MRPS33: variants seen among roughly 807,000 people sequenced by gnomAD.
MRPS33 encodes the protein mitochondrial ribosomal protein S33.
Under a neutral mutation model 11.2 loss-of-function variants are expected in MRPS33, and 11 were observed. That is an observed-to-expected ratio of 0.99 (90% CI 0.62 to 1.63). The LOEUF (loss-of-function observed/expected upper bound fraction) is 1.63. MRPS33 is among the 40% of genes most tolerant of loss of function. The pLI is 0.00. For synonymous variants in MRPS33, 46 were observed against 44.0 expected, an observed-to-expected ratio of 1.05 and a Z score of -0.18; for missense variants, 109 against 127.8, an observed-to-expected ratio of 0.85 and a Z score of 0.71.
intron 1 of MRPS33, among the ~76,000 whole-genome samples, chr7:141,013,578 A>G (rs1820730432): frequency 6.6e-6 from 1 of 152,148 alleles, no homozygotes; most frequent in African/African-American, 2.4e-5. Flanking sequence ...TTTTCTTACA[A>G]CGTGCATGTC....
chr7:141,007,925 T>C (rs918209499), intron 2 of MRPS33, among the ~76,000 whole-genome samples: 27 of 151,722 alleles, frequency 1.8e-4, no homozygotes, highest in African/African-American at 5.5e-4. Context: ...TTATTTTTTT[T>C]CCCCCTCTTC....
chr7:141,006,865 A>G (rs1820545560), intron 2 of MRPS33, among the ~76,000 whole-genome samples: 1 of 152,158 alleles, frequency 6.6e-6, no homozygotes, highest in Non-Finnish European at 1.5e-5. Context: ...ACTAAGACTA[A>G]ACAGAGAGGA....
chr7:141,007,219 C>T (rs1227802890), intron 2 of MRPS33, among the ~76,000 whole-genome samples: 2 of 152,166 alleles, frequency 1.3e-5, no homozygotes, highest in Non-Finnish European at 2.9e-5. Flanking sequence ...GCTCTGGATT[C>T]CATGTGAACC....
chr7:141,006,550 A>G lies in MRPS33; in HGVS notation c.216-15T>C. The G allele has an allele frequency of 6.3e-7, 1 of 1,599,606 alleles. No homozygotes were observed. Among genetic ancestry groups the G allele is most frequent in the Non-Finnish European group, 8.6e-7 (1 of 1,168,282 alleles). ...GATGCTCATCTCTGAATGAAGAAGG[A>G]AAAAATAATTAACCAGTTATTTTTA... On this transcript the variant is annotated splice_polypyrimidine_tract_variant and intron_variant, in intron 2 of 2. Transcript: ENST00000324787.
At chr7:141,011,055 A>G (rs977425355) in intron 1 of MRPS33, among the ~76,000 whole-genome samples, 2 of 152,234 alleles carry the variant, frequency 1.3e-5, no homozygotes, top group African/African-American at 4.8e-5. Flanking sequence ...TGCAGCATTA[A>G]TATGCTGACT....
At position 141,003,553 on chromosome 7, in the gene MRPS33, GCAGGGT is replaced by G. The variant is rs1467580292; in HGVS notation, c.*2871_*2876del. 1 of 152,256 alleles carries G rather than the reference GCAGGGT, an allele frequency of 6.6e-6. No homozygotes were observed. Among genetic ancestry groups the G allele is most frequent in the Admixed American group, 6.5e-5 (1 of 15,282 alleles). 9.4% of individuals were successfully genotyped at this position (152,256 alleles called of 1,614,324 possible). On this transcript the variant is annotated 3_prime_UTR_variant, in exon 3 of 3. Transcript: ENST00000324787. ...CTGTCAATCATTGCCAAGGCTCACT[GCAGGGT>G]CAGGGTCTGAGATCTCACTGAAGCT... is the stretch of plus-strand genomic sequence containing the variant.
rs38732 is a variant in MRPS33, at chr7:141,005,362, A to T, written c.*1068T>A. 9,704 of 149,270 alleles carry T rather than the reference A, an allele frequency of 0.065. 329 individuals are homozygous for T. Among genetic ancestry groups the T allele is most frequent in the Middle Eastern group, 0.11 (33 of 290 alleles). The allele number at this position is 149,270 out of a possible 1,614,324, so 9.2% of individuals were successfully genotyped here. ...TTCTTCAAGGTTCAGCTTAAATATC[A>T]TTTTTTTTTTGAGATGTAGTCTTGC... On this transcript the variant is annotated 3_prime_UTR_variant, in exon 3 of 3. Coordinates refer to ENST00000324787, the MANE Select transcript of MRPS33 (RefSeq NM_053035.3).
intron 2 of MRPS33, among the ~76,000 whole-genome samples, chr7:141,008,223 T>A (rs1359051077): frequency 6.6e-6 from 1 of 152,172 alleles, no homozygotes; most frequent in Non-Finnish European, 1.5e-5. Context: ...TAACTATTTT[T>A]CCCTGTCCCC....
intron 2 of MRPS33, among the ~76,000 whole-genome samples, chr7:141,007,420 C>T (rs896549894): frequency 2.0e-5 from 3 of 152,196 alleles, no homozygotes; most frequent in African/African-American, 7.2e-5. Flanking sequence ...GGACAGTATA[C>T]AACTCTTTGG....
intron 1 of MRPS33, among the ~76,000 whole-genome samples, chr7:141,012,172 T>TGAAAAAAAA (rs1302725022): frequency 2.1e-4 from 1 of 4,826 alleles, no homozygotes; most frequent in Admixed American, 3.8e-3. Context: ...AGATTGTGTG[T>TGAAAAAAAA]CAAAAAAAAA....
intron 1 of MRPS33, among the ~76,000 whole-genome samples, chr7:141,012,534 G>A (rs1820700983): frequency 6.6e-6 from 1 of 152,170 alleles, no homozygotes; most frequent in Admixed American, 6.5e-5. Flanking sequence ...AATGTCCAGA[G>A]TCACCTAGTT....
rs912018304 is a variant in MRPS33, at chr7:141,005,582, C to T, written c.*848G>A. 6.6e-6 allele frequency: 1 copy of T among 152,164 alleles called. No homozygotes were observed. Among genetic ancestry groups the T allele is most frequent in the African/African-American group, 2.4e-5 (1 of 41,416 alleles). 9.4% of individuals were successfully genotyped at this position (152,164 alleles called of 1,614,324 possible). On this transcript the variant is annotated 3_prime_UTR_variant, in exon 3 of 3. Coordinates refer to ENST00000324787, the MANE Select transcript of MRPS33 (RefSeq NM_053035.3). ...GGCCAAAATGGTCTCGATCTCTTGA[C>T]CTTGTGATCCACCCACCTCGGCCTC...
rs1479345480 is a variant in MRPS33 at position 141,004,112 on chromosome 7, AAC to A, written c.*2316_*2317del. On this transcript the variant is annotated 3_prime_UTR_variant, in exon 3 of 3. Coordinates refer to ENST00000324787, the MANE Select transcript of MRPS33 (RefSeq NM_053035.3). ...TCAAGAGGTTGAGACCATCCTGGCTAACACAGTGAGACACCTTCTCTACTAAA... is the reference window on the plus strand; with the variant it reads ...TCAAGAGGTTGAGACCATCCTGGCTAACAGTGAGACACCTTCTCTACTAAA... The A allele has an allele frequency of 1.3e-5, 2 of 152,332 alleles. No homozygotes were observed. The highest frequency in any genetic ancestry group is 3.9e-4 in the East Asian group (2 of 5,174). The allele number at this position is 152,332 out of a possible 1,614,324, so 9.4% of individuals were successfully genotyped here.
At chr7:141,008,801 AT>A (rs10550694) in intron 2 of MRPS33, among the ~76,000 whole-genome samples, 83,998 of 137,688 alleles carry the variant, frequency 0.61, 25,970 homozygotes, top group East Asian at 0.79. Flanking sequence ...TAAAAAAATA[AT>A]TTTTTTTTTT....
intron 2 of MRPS33, 140 bp from the exon 3 acceptor site, chr7:141,006,675 G>A: frequency 2.9e-6 from 2 of 700,714 alleles, no homozygotes; most frequent in Non-Finnish European, 4.8e-6. Context: ...TCAGCTTGGT[G>A]AACAAAAAGT....
rs773952911 is a variant in MRPS33, at chr7:141,006,384, T to C, written c.*46A>G. 1 of 1,510,594 alleles carries C rather than the reference T, an allele frequency of 6.6e-7. No homozygotes were observed. Among genetic ancestry groups the C allele is most frequent in the South Asian group, 1.1e-5 (1 of 87,046 alleles). 93.6% of individuals were successfully genotyped at this position (1,510,594 alleles called of 1,614,324 possible). On this transcript the variant is annotated 3_prime_UTR_variant, in exon 3 of 3. Coordinates refer to ENST00000324787, the MANE Select transcript of MRPS33 (RefSeq NM_053035.3). ...TGGAAAGACAATAAATGCACTTTCT[T>C]CTCTCCGCCACTGAGGAAGAAAGTC... is the stretch of plus-strand genomic sequence containing the variant.
chr7:141,013,972 C>T (rs904364544), intron 1 of MRPS33, among the ~76,000 whole-genome samples: 6 of 152,168 alleles, frequency 3.9e-5, no homozygotes, highest in African/African-American at 1.4e-4. Flanking sequence ...AAGTGTACAT[C>T]TGTATGCCGA....
intron 2 of MRPS33, among the ~76,000 whole-genome samples, chr7:141,009,420 T>C (rs1027768440): frequency 2.1e-5 from 3 of 140,352 alleles, no homozygotes; most frequent in Admixed American, 7.7e-5. Flanking sequence ...GCCTGAGCCA[T>C]TGTGCCTGGC....
Position 141,004,805 on chromosome 7 carries a change from T to C in MRPS33, c.*1625A>G, listed in dbSNP as rs1037306918. The stretch of plus-strand genomic sequence containing the variant: ...TCTCGCTTTGTTGCCCAGGCTGGAG[T>C]GCAGTGGCACCATCTCAGCTTACTG... On this transcript the variant is annotated 3_prime_UTR_variant, in exon 3 of 3. Coordinates refer to ENST00000324787, the MANE Select transcript of MRPS33 (RefSeq NM_053035.3). The C allele has an allele frequency of 2.6e-5, 4 of 151,946 alleles. No homozygotes were observed. Among genetic ancestry groups the C allele is most frequent in the Admixed American group, 2.0e-4 (3 of 15,264 alleles). 9.4% of individuals were successfully genotyped at this position (151,946 alleles called of 1,614,324 possible).
Sources: gnomAD v4.1 joint callset for allele counts (sites outside exome capture counted in the v4.1 genomes callset) on GRCh38, gnomAD v4.1.1 for gene constraint, MANE v1.5 for transcripts, NCBI Gene and HGNC (gene_info 2026-07-23, HGNC 2026-07-21) for gene names.